SLC16A14: variants seen among roughly 807,000 people sequenced by gnomAD.
The protein encoded by SLC16A14 is monocarboxylate transporter 14.
SLC16A14 carries 14 observed loss-of-function variants against 35.8 expected under a neutral mutation model. The observed-to-expected ratio is 0.39, with a 90% CI of 0.26 to 0.61. The LOEUF (loss-of-function observed/expected upper bound fraction) is 0.61, where lower values mean the gene tolerates loss of function less well. SLC16A14 is among the 20% of genes least tolerant of loss of function. The pLI is 0.51. For missense variants in SLC16A14, 533 were observed against 655.0 expected, an observed-to-expected ratio of 0.81 and a Z score of 2.03; for synonymous variants, 248 against 258.9, an observed-to-expected ratio of 0.96 and a Z score of 0.40.
At chr2:230,045,063 CAGA>C (rs2077592891) in intron 4 of SLC16A14, among the ~76,000 whole-genome samples, 1 of 152,160 alleles carries the variant, frequency 6.6e-6, no homozygotes, top group South Asian at 2.1e-4. Context: ...GAAACAACAA[CAGA>C]AGATCTGGCA....
At chr2:230,058,185 G>A (rs1445160403) in intron 2 of SLC16A14, 1 of 149,992 alleles carries the variant, frequency 6.7e-6, no homozygotes, top group African/African-American at 2.5e-5. Flanking sequence ...GGCAAACAGA[G>A]TTTGGGTCTA....
At position 230,045,977 on chromosome 2, in the gene SLC16A14, A is replaced by G; in HGVS notation, c.1149T>C (p.Asn383=). ...IADLPCISVW[N]VFLLANFTLV... ...GGGTGAAGTTGGCCAACAGGAAGAC[A>G]TTCCAAACACTAATGCAAGGCAAGT... Residue 383 remains asparagine (N), a synonymous_variant, in exon 4 of 5, where the codon AAT becomes AAC. Coordinates refer to ENST00000295190, the MANE Select transcript of SLC16A14 (RefSeq NM_152527.5). 6.2e-7 allele frequency: 1 copy of G among 1,613,458 alleles called. No homozygotes were observed. The highest frequency in any genetic ancestry group is 8.5e-7 in the Non-Finnish European group (1 of 1,179,352).
chr2:230,039,542 T>C (rs1305726310), intron 4 of SLC16A14, among the ~76,000 whole-genome samples: 1 of 152,198 alleles, frequency 6.6e-6, no homozygotes, highest in Admixed American at 6.5e-5. Flanking sequence ...CTGTGGACCA[T>C]TGTGAATTAG....
At position 230,044,670 on chromosome 2, in the gene SLC16A14, T is replaced by C. The variant is rs116305332; in HGVS notation, c.1381+1075A>G. On this transcript the variant is annotated intron_variant, in intron 4 of 4. Transcript: ENST00000295190. ...GCCTCAAGAAGGAATTCAGCTCTGC[T>C]GACCTCCAGAACAGTAAGATAATAA... Among the ~76,000 whole-genome samples the C allele has an allele frequency of 6.5e-3, 990 of 151,366 alleles. 7 individuals carry two copies. The highest frequency in any genetic ancestry group is 0.023 in the African/African-American group (955 of 41,150).
intron 3 of SLC16A14, 116 bp downstream of exon 3, chr2:230,049,645 G>T (rs4358112): frequency 4.4e-5 from 48 of 1,087,406 alleles, no homozygotes; most frequent in Admixed American, 3.0e-4. Flanking sequence ...GGTGAAGTGG[G>T]GGGGAGGAAA....
At chr2:230,057,043 A>G (rs899530155) in intron 2 of SLC16A14, among the ~76,000 whole-genome samples, 1 of 152,114 alleles carries the variant, frequency 6.6e-6, no homozygotes, top group African/African-American at 2.4e-5. Context: ...AAACCGAAAA[A>G]GATTAGAGGC....
intron 4 of SLC16A14, among the ~76,000 whole-genome samples, chr2:230,041,336 T>C (rs990216626): frequency 6.6e-6 from 1 of 152,024 alleles, no homozygotes; most frequent in Non-Finnish European, 1.5e-5. Context: ...ATAATTTTGT[T>C]TTATTTTATT....
At chr2:230,064,096 CAAAA>C (rs547480511) in intron 1 of SLC16A14, among the ~76,000 whole-genome samples, 1 of 97,562 alleles carries the variant, frequency 1.0e-5, no homozygotes, top group Non-Finnish European at 2.2e-5. Flanking sequence ...GACCCTGTCT[CAAAA>C]AAAAAAAAAA....
intron 4 of SLC16A14, among the ~76,000 whole-genome samples, chr2:230,044,724 GTGTGTGTGTGTGTA>G (rs778484069): frequency 0.099 from 11,481 of 115,606 alleles, 473 homozygotes; most frequent in Middle Eastern, 0.18. Context: ...GTGTGTGTGT[GTGTGTGTGTGTGTA>G]TGTGTGTGTG....
At position 230,068,869 on chromosome 2, in the gene SLC16A14, C is replaced by G. The variant is rs1176468963; in HGVS notation, c.-329G>C. The G allele has an allele frequency of 2.6e-5, 4 of 152,372 alleles. No homozygotes were observed. The highest frequency in any genetic ancestry group is 7.2e-5 in the African/African-American group (3 of 41,470). The allele number at this position is 152,372 out of a possible 1,614,324, so 9.4% of individuals were successfully genotyped here. On this transcript the variant is annotated 5_prime_UTR_variant, in exon 1 of 5. Transcript: ENST00000295190. This position sits in a 1 kb window ranked among gnomAD's most constrained non-coding sequence, Gnocchi z 5.1. ...GCCCAAACCTAACCTGGGCTTCCTT[C>G]CAATCGGAGCAATTTCAAATCTTCA...
At chr2:230,049,690 A>G (rs1308535049) in intron 3 of SLC16A14, 71 bp downstream of exon 3, 8 of 1,531,086 alleles carry the variant, frequency 5.2e-6, no homozygotes, top group Non-Finnish European at 7.2e-6. Context: ...TCTTTTCTCC[A>G]CAATTAAATC....
At chr2:230,037,580 A>G (rs780767132) in intron 4 of SLC16A14, 49 bp from the exon 5 acceptor site, 2 of 1,456,254 alleles carry the variant, frequency 1.4e-6, no homozygotes, top group Non-Finnish European at 1.8e-6. Context: ...TGATACAATG[A>G]AAGTGAAGAA....
rs1226147151 is a variant in SLC16A14 at position 230,052,156 on chromosome 2, C to T, written c.260-2252G>A. Among the ~76,000 whole-genome samples, 3 of 152,002 alleles carry T rather than the reference C, an allele frequency of 2.0e-5. 1 individual carries two copies. The highest frequency in any genetic ancestry group is 4.1e-4 in the South Asian group (2 of 4,824). ...TTCACCGTGTTAGCCAGGATGGTCT[C>T]GATCTCCTGACCTCGTGATCCGCCC... On this transcript the variant is annotated intron_variant, in intron 2 of 4. Transcript: ENST00000295190.
chr2:230,061,741 A>ATC (rs1246756990), intron 1 of SLC16A14, among the ~76,000 whole-genome samples: 2 of 143,966 alleles, frequency 1.4e-5, no homozygotes, highest in African/African-American at 5.4e-5. Flanking sequence ...TTTGAACAAT[A>ATC]TCTTTTTTTT....
chr2:230,046,533 A>G lies in SLC16A14; in HGVS notation c.593T>C (p.Val198Ala), dbSNP rs756323869. Residue 198 changes from valine (V) to alanine (A), a missense_variant, in exon 4 of 5, where the codon GTT (valine) becomes GCT (alanine). Coordinates refer to ENST00000295190, the MANE Select transcript of SLC16A14 (RefSeq NM_152527.5). This position sits in a 1 kb window ranked among gnomAD's most constrained non-coding sequence, Gnocchi z 5.0. ...WRNAMLIQGA[V>A]SLNLCVCGAL... ...CCCACAAACACACAGGTTTAGGGAAACGGCACCTTGGATCAACATGGCATT... is the reference window on the plus strand; with the variant it reads ...CCCACAAACACACAGGTTTAGGGAAGCGGCACCTTGGATCAACATGGCATT... The G allele has an allele frequency of 5.6e-6, 9 of 1,614,226 alleles. No individual in the cohort carries two copies. In the East Asian group the frequency reaches 2.0e-4, roughly 36 times the overall value.
intron 1 of SLC16A14, among the ~76,000 whole-genome samples, chr2:230,064,310 G>A (rs1416008410): frequency 4.2e-4 from 63 of 150,188 alleles, no homozygotes; most frequent in South Asian, 1.9e-3. Context: ...GTGTGTGTGT[G>A]TGTATGTGTG....
intron 2 of SLC16A14, among the ~76,000 whole-genome samples, chr2:230,050,297 G>C (rs774686186): frequency 1.2e-4 from 19 of 152,212 alleles, no homozygotes; most frequent in Non-Finnish European, 2.2e-4. Flanking sequence ...TGGCAACACA[G>C]ACTACCTTCC....
At chr2:230,043,777 C>T (rs1207894667) in intron 4 of SLC16A14, among the ~76,000 whole-genome samples, 1 of 152,228 alleles carries the variant, frequency 6.6e-6, no homozygotes, top group East Asian at 1.9e-4. Context: ...AGACAGACCT[C>T]GTTATCTTCA....
In SLC16A14 at chr2:230,034,985, A is replaced by C; in HGVS notation, c.*2395T>G. 1 of 152,260 alleles carries C rather than the reference A, an allele frequency of 6.6e-6. No individual in the cohort carries two copies. The highest frequency in any genetic ancestry group is 1.9e-4 in the East Asian group (1 of 5,202). 9.4% of individuals were successfully genotyped at this position (152,260 alleles called of 1,614,324 possible). The stretch of plus-strand genomic sequence containing the variant: ...ATACAAAAACTCACTGACCGTCTTC[A>C]AAGAGGACAACATTTATTTAGTTGT... On this transcript the variant is annotated 3_prime_UTR_variant, in exon 5 of 5. Coordinates refer to ENST00000295190, the MANE Select transcript of SLC16A14 (RefSeq NM_152527.5).
Sources: gnomAD v4.1 joint callset for allele counts (sites outside exome capture counted in the v4.1 genomes callset) on GRCh38, gnomAD v4.1.1 for gene constraint, Gnocchi (gnomAD v3.1) non-coding constraint, MANE v1.5 for transcripts, NCBI Gene and HGNC (gene_info 2026-07-23, HGNC 2026-07-21) for gene names.